The following IQCM variants were observed in gnomAD, a reference collection of about 807,000 sequenced individuals.
The protein encoded by IQCM is IQ domain-containing protein M.
In IQCM, 45 loss-of-function variants were observed where a neutral mutation model predicts 57.6. The ratio of observed to expected loss-of-function variants is 0.78; its 90% CI spans 0.62 to 1.00. The LOEUF (loss-of-function observed/expected upper bound fraction) is 1.00. Among genes scored for constraint, IQCM ranks in the 50% least tolerant of loss-of-function variants. IQCM has a pLI of 0.00. For missense variants in IQCM, 468 were observed against 511.6 expected (o/e 0.91, Z 0.82); for synonymous variants, 148 against 158.9 (o/e 0.93, Z 0.51).
chr4:149,704,401 AC>A (rs1274858755), intron 5 of IQCM, among the ~76,000 whole-genome samples: 2 of 151,918 alleles, frequency 1.3e-5, no homozygotes, highest in Non-Finnish European at 2.9e-5. Context: ...CTTTATTGGT[AC>A]ACAGCCAACC....
intron 13 of IQCM, among the ~76,000 whole-genome samples, chr4:149,354,635 T>C (rs1265646605): frequency 6.6e-6 from 1 of 152,006 alleles, no homozygotes; most frequent in Non-Finnish European, 1.5e-5. Context: ...AATATAACAT[T>C]ACTCAAAAGA....
chr4:149,783,918 G>A (rs1771844190), intron 2 of IQCM, among the ~76,000 whole-genome samples: 1 of 152,128 alleles, frequency 6.6e-6, no homozygotes, highest in Non-Finnish European at 1.5e-5. Context: ...AATTCTTCCA[G>A]CAATATGAAT....
At chr4:149,622,480 C>CT (rs1756434052) in intron 7 of IQCM, among the ~76,000 whole-genome samples, 1 of 151,934 alleles carries the variant, frequency 6.6e-6, no homozygotes, top group South Asian at 2.1e-4. Flanking sequence ...GTAGCTGGGA[C>CT]TACAGGCACC....
At chr4:149,517,563 T>G (rs1234854894) in intron 12 of IQCM, among the ~76,000 whole-genome samples, 1 of 152,146 alleles carries the variant, frequency 6.6e-6, no homozygotes, top group Non-Finnish European at 1.5e-5. Context: ...GGGGTAGACT[T>G]GTGATGGTTA....
At chr4:149,759,045 A>ATT (rs1769258993) in intron 2 of IQCM, among the ~76,000 whole-genome samples, 3 of 152,202 alleles carry the variant, frequency 2.0e-5, no homozygotes, top group African/African-American at 7.2e-5. Flanking sequence ...AGAAGCAACC[A>ATT]CGATATCCTT....
In IQCM at chr4:149,527,000, G is replaced by A. The variant is rs190946369; in HGVS notation, c.1228+21455C>T. Among the ~76,000 whole-genome samples the A allele has an allele frequency of 4.7e-4, 71 of 152,158 alleles. 1 individual carries two copies. Among genetic ancestry groups the A allele is most frequent in the Middle Eastern group, 3.4e-3 (1 of 294 alleles). On this transcript the variant is annotated intron_variant, in intron 12 of 13. Transcript: ENST00000636793. The stretch of plus-strand genomic sequence containing the variant: ...CAGTTTACAGGACATTTACAGATCA[G>A]TACAGCAAGAGGAATTCTAGTTACA...
At chr4:149,621,910 G>A (rs952363109) in intron 7 of IQCM, among the ~76,000 whole-genome samples, 6 of 152,134 alleles carry the variant, frequency 3.9e-5, no homozygotes, top group South Asian at 2.1e-4. Flanking sequence ...TCCTGCCATC[G>A]AAATGAATCA....
intron 2 of IQCM, among the ~76,000 whole-genome samples, chr4:149,791,467 CA>C (rs1389663142): frequency 2.6e-5 from 4 of 151,778 alleles, no homozygotes; most frequent in Admixed American, 2.0e-4. Flanking sequence ...TTGAAATATG[CA>C]AAAAAATGGT....
chr4:149,710,741 T>C (rs1010124205), intron 5 of IQCM, among the ~76,000 whole-genome samples: 1 of 152,170 alleles, frequency 6.6e-6, no homozygotes, highest in African/African-American at 2.4e-5. Context: ...CTGGAATTTC[T>C]TGAGCTCTCC....
chr4:149,659,256 C>A (rs984597065), intron 7 of IQCM, among the ~76,000 whole-genome samples: 3 of 151,958 alleles, frequency 2.0e-5, no homozygotes, highest in Non-Finnish European at 4.4e-5. Flanking sequence ...GAATTAAATA[C>A]CTAGGAATCC....
Position 149,720,068 on chromosome 4 carries a change from T to G in IQCM, c.385+13176A>C, listed in dbSNP as rs77227813. 3.1e-3 allele frequency among the ~76,000 whole-genome samples: 479 copies of G among 152,334 alleles called. 1 individual carries two copies. Among genetic ancestry groups the G allele is most frequent in the African/African-American group, 0.011 (465 of 41,574 alleles). On this transcript the variant is annotated intron_variant, in intron 5 of 13. Transcript: ENST00000636793. ...AGCTGACAGAATGACCCTGGGCCAC[T>G]GTAAAACATTTGACTAACCTCTTAA...
At chr4:149,461,187 C>T (rs1257434672) in intron 12 of IQCM, among the ~76,000 whole-genome samples, 6 of 142,980 alleles carry the variant, frequency 4.2e-5, no homozygotes, top group African/African-American at 1.6e-4. Context: ...GAGCCAAGAT[C>T]GTGCCATTGC....
intron 2 of IQCM, among the ~76,000 whole-genome samples, chr4:149,746,790 G>C (rs894511042): frequency 9.2e-5 from 14 of 152,288 alleles, no homozygotes; most frequent in Admixed American, 8.5e-4. Flanking sequence ...CTAAAAAATA[G>C]TTGGCTCCAA....
intron 13 of IQCM, among the ~76,000 whole-genome samples, chr4:149,393,982 A>T (rs1732044678): frequency 6.6e-6 from 1 of 151,988 alleles, no homozygotes; most frequent in South Asian, 2.1e-4. Context: ...AGCAGGGTGG[A>T]TCTAAAAACA....
At chr4:149,388,531 T>TA (rs1553958777) in intron 13 of IQCM, among the ~76,000 whole-genome samples, 7 of 128,776 alleles carry the variant, frequency 5.4e-5, no homozygotes, top group Non-Finnish European at 1.1e-4. Context: ...ATTATATATA[T>TA]TATATATTAT....
At chr4:149,485,768 A>G (rs947656848) in intron 12 of IQCM, among the ~76,000 whole-genome samples, 1 of 152,080 alleles carries the variant, frequency 6.6e-6, no homozygotes, top group Non-Finnish European at 1.5e-5. Flanking sequence ...TGATGCTTGA[A>G]GATATTCTTC....
chr4:149,735,522 C>T, intron 3 of IQCM, 64 bp from the exon 4 acceptor site: 2 of 713,376 alleles, frequency 2.8e-6, no homozygotes, highest in Non-Finnish European at 1.9e-6. Flanking sequence ...TACAAGTTGA[C>T]ATTATAAAAG....
chr4:149,549,320 C>A (rs2149897994), intron 11 of IQCM, among the ~76,000 whole-genome samples: 1 of 152,116 alleles, frequency 6.6e-6, no homozygotes, highest in East Asian at 1.9e-4. Context: ...TCGAGACCAT[C>A]CCGGCTAAAA....
chr4:149,428,498 C>A (rs1381660549), intron 13 of IQCM, among the ~76,000 whole-genome samples: 3 of 151,742 alleles, frequency 2.0e-5, no homozygotes, highest in Admixed American at 6.6e-5. Flanking sequence ...TTTTAGAAAA[C>A]AGAGAGTCAT....
Sources: gnomAD v4.1 joint callset for allele counts (sites outside exome capture counted in the v4.1 genomes callset) on GRCh38, gnomAD v4.1.1 for gene constraint, MANE v1.5 for transcripts, NCBI Gene and HGNC (gene_info 2026-07-23, HGNC 2026-07-21) for gene names.